The following DAB1 variants were observed in gnomAD, a reference collection of about 807,000 sequenced individuals.
DAB1 encodes DAB adaptor protein 1.
A neutral mutation model predicts 64.6 loss-of-function variants in DAB1; 15 were observed. The ratio of observed to expected loss-of-function variants is 0.23; its 90% CI spans 0.16 to 0.36. DAB1 has a LOEUF of 0.36. DAB1 is among the 10% of genes least tolerant of loss of function. The pLI is 1.00. For synonymous variants in DAB1, 235 were observed against 251.9 expected (o/e 0.93, Z 0.64); for missense variants, 596 against 706.7 (o/e 0.84, Z 1.78).
At chr1:58,185,833 T>C (rs1047440078) in intron 4 of DAB1, among the ~76,000 whole-genome samples, 1 of 152,180 alleles carries the variant, frequency 6.6e-6, no homozygotes, top group Non-Finnish European at 1.5e-5. Context: ...CTACAATCTA[T>C]ATGACCTTGG....
At chr1:57,152,014 A>G (rs909425647) in intron 2 of DAB1, among the ~76,000 whole-genome samples, 1 of 151,932 alleles carries the variant, frequency 6.6e-6, no homozygotes, top group African/African-American at 2.4e-5. Context: ...AGGTTTCCCC[A>G]TGTTGGCCAG....
chr1:57,384,511 C>A (rs1334039609), intron 1 of DAB1, among the ~76,000 whole-genome samples: 1 of 152,154 alleles, frequency 6.6e-6, no homozygotes, highest in Non-Finnish European at 1.5e-5. Flanking sequence ...GCAGAAGCAA[C>A]CCCAATATCC....
chr1:57,484,293 T>G (rs1241746905), intron 7 of DAB1, among the ~76,000 whole-genome samples: 1 of 152,062 alleles, frequency 6.6e-6, no homozygotes, highest in Non-Finnish European at 1.5e-5. Flanking sequence ...TTACTGGAAT[T>G]TTTTGAAGAT....
intron 5 of DAB1, among the ~76,000 whole-genome samples, chr1:58,132,577 T>C (rs951639211): frequency 6.6e-6 from 1 of 152,178 alleles, no homozygotes; most frequent in African/African-American, 2.4e-5. Flanking sequence ...GCAGTCTGCG[T>C]GAGATGAAAC....
intron 5 of DAB1, among the ~76,000 whole-genome samples, chr1:58,051,351 A>C (rs1292826627): frequency 6.6e-6 from 1 of 152,130 alleles, no homozygotes; most frequent in Non-Finnish European, 1.5e-5. Context: ...TTCCAGCTTC[A>C]TCCATGTCCC....
intron 4 of DAB1, among the ~76,000 whole-genome samples, chr1:58,165,382 CATATAAT>C (rs932728917): frequency 4.6e-5 from 7 of 152,150 alleles, no homozygotes; most frequent in Admixed American, 4.6e-4. Context: ...ATCTGTTTGC[CATATAAT>C]TCCTGCAAAC....
chr1:58,274,728 G>A (rs977976488), intron 4 of DAB1, among the ~76,000 whole-genome samples: 1 of 152,170 alleles, frequency 6.6e-6, no homozygotes, highest in African/African-American at 2.4e-5. Context: ...TTTTAAGCCG[G>A]TCTGAAAAGC....
chr1:57,213,195 TG>T (rs1469176373), intron 2 of DAB1, among the ~76,000 whole-genome samples: 1 of 138,424 alleles, frequency 7.2e-6, no homozygotes, highest in Admixed American at 7.5e-5. Flanking sequence ...AAATGGGGGA[TG>T]GGGGGTGGGA....
In DAB1 at chr1:57,001,146, A is replaced by G. The variant is rs1240565595; in HGVS notation, c.*16-3018T>C. ...CCTTATTATGGAATCTTAGACTGTC[A>G]GACTTAGAGGGGAGCTAAAGAATCA... On this transcript the variant is annotated intron_variant, in intron 14 of 14. Coordinates refer to ENST00000371236, the MANE Select transcript of DAB1 (RefSeq NM_001365792.1). Among the ~76,000 whole-genome samples, 3 of 152,226 alleles carry G rather than the reference A, an allele frequency of 2.0e-5. 1 individual carries two copies. The highest frequency in any genetic ancestry group is 1.5e-5 in the Non-Finnish European group (1 of 68,046).
intron 7 of DAB1, among the ~76,000 whole-genome samples, chr1:57,606,552 ATATAT>A (rs1558535319): frequency 8.8e-6 from 1 of 113,046 alleles, no homozygotes; most frequent in Non-Finnish European, 1.7e-5. Context: ...ATATAATATA[ATATAT>A]TATATATTAT....
chr1:57,074,996 G>A (rs556109818), intron 4 of DAB1, among the ~76,000 whole-genome samples: 8 of 152,282 alleles, frequency 5.3e-5, no homozygotes, highest in South Asian at 2.1e-4. Context: ...GCTTTTGTGC[G>A]CTAAAATGGT....
At chr1:57,157,611 T>C (rs1022393850) in intron 2 of DAB1, among the ~76,000 whole-genome samples, 2 of 151,968 alleles carry the variant, frequency 1.3e-5, no homozygotes, top group African/African-American at 4.8e-5. Context: ...AGCCCTGGCC[T>C]CCTTTCCTCT....
intron 5 of DAB1, among the ~76,000 whole-genome samples, chr1:57,970,047 T>A (rs1645760302): frequency 1.3e-5 from 2 of 152,150 alleles, no homozygotes; most frequent in Non-Finnish European, 2.9e-5. Context: ...CTCTCACCTC[T>A]TCTACCATGT....
At chr1:57,824,790 G>A (rs938253360), downstream of DAB1, among the ~76,000 whole-genome samples, 13 of 152,320 alleles carry the variant, frequency 8.5e-5, no homozygotes, top group Middle Eastern at 3.4e-3. Flanking sequence ...AGTCTGCTTT[G>A]TCGAGCTTCA....
At chr1:57,836,175 TACA>T (rs997364192) in intron 1 of DAB1, among the ~76,000 whole-genome samples, 27 of 152,204 alleles carry the variant, frequency 1.8e-4, no homozygotes, top group Non-Finnish European at 1.2e-4. Flanking sequence ...ATTTAATCAT[TACA>T]ACAACTCTGT....
Position 57,290,974 on chromosome 1 carries a change from G to C in DAB1, c.57C>G (p.Ser19=), listed in dbSNP as rs187718590. The change falls in exon 2 of 15, where the codon TCC becomes TCG. Residue 19 remains serine (S), a synonymous_variant. Transcript: ENST00000371236. ...CAAATTCAGCCCTACCTTTCTTTCT[G>C]GAGTCTTTCTTGGCGCTGGTTTTCA... is the stretch of plus-strand genomic sequence containing the variant. ...VAVKTSAKKD[S]RKKGQDRSEA... 2.5e-6 allele frequency: 4 copies of C among 1,610,092 alleles called. No individual in the cohort carries two copies. The highest frequency in any genetic ancestry group is 3.4e-6 in the Non-Finnish European group (4 of 1,177,958).
intron 3 of DAB1, among the ~76,000 whole-genome samples, chr1:58,387,720 TTC>T (rs1282266922): frequency 0.27 from 26,506 of 97,632 alleles, 2,567 homozygotes; most frequent in African/African-American, 0.3. Context: ...TTCTTTTCTT[TTC>T]TTTTTTTTTT....
rs557445906 is a variant in DAB1 at position 57,188,783 on chromosome 1, T to A, written c.68-43354A>T. Among the ~76,000 whole-genome samples, 6 of 152,354 alleles carry A rather than the reference T, an allele frequency of 3.9e-5. No homozygotes were observed. The South Asian group carries it at 1.2e-3, about 32-fold the overall frequency. ...TTGGTCCTGACTTGATTCTTTGCTA[T>A]GCTTTCCACATTAACTCACTATACT... On this transcript the variant is annotated intron_variant, in intron 2 of 14. Coordinates refer to ENST00000371236, the MANE Select transcript of DAB1 (RefSeq NM_001365792.1).
At chr1:57,720,593 T>C (rs1647138276) in intron 6 of DAB1, among the ~76,000 whole-genome samples, 1 of 152,252 alleles carries the variant, frequency 6.6e-6, no homozygotes, top group Non-Finnish European at 1.5e-5. Context: ...TATCCAGGCC[T>C]ATTTCTTCAT....
Sources: gnomAD v4.1 joint callset for allele counts (sites outside exome capture counted in the v4.1 genomes callset) on GRCh38, gnomAD v4.1.1 for gene constraint, MANE v1.5 for transcripts, NCBI Gene and HGNC (gene_info 2026-07-23, HGNC 2026-07-21) for gene names.